Variants in EPHA5 observed in about 807,000 individuals in gnomAD.
EPHA5 encodes EPH receptor A5.
EPHA5 carries 60 observed loss-of-function variants against 105.0 expected under a neutral mutation model. That is an observed-to-expected ratio of 0.57 (90% confidence interval 0.46 to 0.71). EPHA5 has a LOEUF of 0.71. Ranked by LOEUF, EPHA5 falls within the 30% of genes least tolerant of loss-of-function variation. The probability of loss-of-function intolerance (pLI) is 0.00; values close to 1 mark genes in which losing one functional copy is unlikely to be tolerated. For synonymous variants in EPHA5, 513 were observed against 449.1 expected, an observed-to-expected ratio of 1.14 and a Z score of -1.80; for missense variants, 1,218 against 1,274.7, an observed-to-expected ratio of 0.96 and a Z score of 0.68.
intron 5 of EPHA5, among the ~76,000 whole-genome samples, chr4:65,432,718 G>A (rs1031870556): frequency 6.6e-6 from 1 of 151,922 alleles, no homozygotes; most frequent in African/African-American, 2.4e-5. Context: ...TAGGTGGGCA[G>A]TGCTACACCC....
intron 3 of EPHA5, among the ~76,000 whole-genome samples, chr4:65,585,202 T>C (rs533233401): frequency 9.2e-5 from 14 of 151,776 alleles, no homozygotes; most frequent in Non-Finnish European, 1.9e-4. Flanking sequence ...GTGTGTGATA[T>C]ATAGAATTTG....
At chr4:65,552,370 G>A (rs954501963) in intron 3 of EPHA5, among the ~76,000 whole-genome samples, 7 of 152,256 alleles carry the variant, frequency 4.6e-5, no homozygotes, top group African/African-American at 1.2e-4. Flanking sequence ...CTTAGTTACG[G>A]GCTTTAAATG....
At chr4:65,357,594 T>A (rs779615334) in intron 11 of EPHA5, among the ~76,000 whole-genome samples, 11 of 151,418 alleles carry the variant, frequency 7.3e-5, no homozygotes, top group Non-Finnish European at 1.5e-4. Flanking sequence ...AATCTTGGAT[T>A]ACATGCATAA....
chr4:65,510,102 T>TC (rs1733460223), intron 3 of EPHA5, among the ~76,000 whole-genome samples: 1 of 148,334 alleles, frequency 6.7e-6, no homozygotes, highest in South Asian at 2.2e-4. Flanking sequence ...TGGCGAGATC[T>TC]CCCCCCACTG....
intron 3 of EPHA5, among the ~76,000 whole-genome samples, chr4:65,552,788 G>A (rs1738047408): frequency 1.3e-5 from 2 of 152,002 alleles, no homozygotes; most frequent in Non-Finnish European, 2.9e-5. Context: ...GTGTTAAATT[G>A]TAAAGCACAA....
At chr4:65,605,067 G>A (rs2149446749) in intron 2 of EPHA5, among the ~76,000 whole-genome samples, 1 of 152,262 alleles carries the variant, frequency 6.6e-6, no homozygotes, top group African/African-American at 2.4e-5. Flanking sequence ...ATGCTTTCCT[G>A]TACGTTTATT....
chr4:65,435,937 A>T (rs1252155313), intron 5 of EPHA5, among the ~76,000 whole-genome samples: 3 of 151,982 alleles, frequency 2.0e-5, no homozygotes, highest in African/African-American at 7.2e-5. Flanking sequence ...TTTAAATATG[A>T]TTTTTTTCTT....
Position 65,320,042 on chromosome 4 carries a change from G to T in EPHA5, c.*4072C>A. The T allele has an allele frequency of 4.3e-6, 1 of 230,174 alleles. No individual in the cohort carries two copies. The highest frequency in any genetic ancestry group is 8.6e-6 in the Non-Finnish European group (1 of 116,088). 14.3% of individuals were successfully genotyped at this position (230,174 alleles called of 1,614,324 possible). On this transcript the variant is annotated 3_prime_UTR_variant, in exon 17 of 17. Transcript: ENST00000613740. ...CATTTGATTCTGATTATTATAAACAGACTTTTTTTCTTTTAAAAGAATTGG... is the reference window on the plus strand; with the variant it reads ...CATTTGATTCTGATTATTATAAACATACTTTTTTTCTTTTAAAAGAATTGG...
intron 3 of EPHA5, among the ~76,000 whole-genome samples, chr4:65,577,419 G>T (rs761995366): frequency 3.4e-4 from 51 of 151,998 alleles, no homozygotes; most frequent in Non-Finnish European, 6.6e-4. Context: ...ATTTTAATGA[G>T]ATTTTTAAAA....
rs548241727 is a variant in EPHA5 at position 65,631,445 on chromosome 4, A to G, written c.246+11918T>C. On this transcript the variant is annotated intron_variant, in intron 2 of 16. Coordinates refer to ENST00000613740, the MANE Select transcript of EPHA5 (RefSeq NM_001281766.3). ...TTAAGTTTTAACTAAAATATAGTTC[A>G]AACATACCAAAGAGAATGATCAAAA... Among the ~76,000 whole-genome samples, 8 of 152,300 alleles carry G rather than the reference A, an allele frequency of 5.3e-5. No homozygotes were observed. The East Asian group carries it at 1.5e-3, about 29-fold the overall frequency.
chr4:65,383,457 A>AT (rs765683982), intron 8 of EPHA5, among the ~76,000 whole-genome samples: 3 of 151,796 alleles, frequency 2.0e-5, no homozygotes, highest in East Asian at 1.9e-4. Flanking sequence ...TGCTACCACC[A>AT]TTATCACTTT....
chr4:65,659,319 G>GAAAAAAAAAAAA lies in EPHA5; in HGVS notation c.181+10231_181+10242dup, dbSNP rs5858980. On this transcript the variant is annotated intron_variant, in intron 1 of 16. Transcript: ENST00000613740. ...GGATTGTTTATATACTAGAGTAACA[G>GAAAAAAAAAAAA]AAAAAAAAAAAAAAAAAAAAAAAAA... Among the ~76,000 whole-genome samples, 2 of 71,602 alleles carry GAAAAAAAAAAAA rather than the reference G, an allele frequency of 2.8e-5. 1 individual carries two copies. The highest frequency in any genetic ancestry group is 1.1e-4 in the African/African-American group (2 of 18,864). 47.0% of individuals were successfully genotyped at this position (71,602 alleles called of 152,430 possible). A position where few individuals can be genotyped will look rare whatever the true frequency, so the allele number is the denominator to read the frequency against.
At chr4:65,465,531 A>AAAGAAAG (rs1560567523) in intron 5 of EPHA5, among the ~76,000 whole-genome samples, 4 of 78,246 alleles carry the variant, frequency 5.1e-5, no homozygotes, top group South Asian at 4.9e-4. Flanking sequence ...AAGAAAGAAA[A>AAAGAAAG]GAAAGGAAAG....
chr4:65,437,125 C>T (rs1484752438), intron 5 of EPHA5, among the ~76,000 whole-genome samples: 1 of 151,992 alleles, frequency 6.6e-6, no homozygotes, highest in African/African-American at 2.4e-5. Flanking sequence ...AGTGTTAACA[C>T]TATGATAAGT....
At chr4:65,468,417 A>G (rs1578185082) in intron 5 of EPHA5, among the ~76,000 whole-genome samples, 1 of 150,140 alleles carries the variant, frequency 6.7e-6, no homozygotes, top group East Asian at 1.9e-4. Context: ...ATTGATGAGA[A>G]ATATAAAATA....
chr4:65,586,154 T>G (rs547647284), intron 3 of EPHA5, among the ~76,000 whole-genome samples: 24 of 151,846 alleles, frequency 1.6e-4, no homozygotes, highest in African/African-American at 5.8e-4. Flanking sequence ...AAGTATTAAC[T>G]TGATATCAAA....
intron 5 of EPHA5, among the ~76,000 whole-genome samples, chr4:65,478,762 G>C (rs938406174): frequency 5.9e-5 from 9 of 152,046 alleles, no homozygotes; most frequent in Non-Finnish European, 1.2e-4. Flanking sequence ...GTGAGCCAAG[G>C]GACCCGGCTT....
intron 13 of EPHA5, among the ~76,000 whole-genome samples, chr4:65,350,630 A>G (rs528522117): frequency 5.2e-4 from 79 of 152,274 alleles, no homozygotes; most frequent in Admixed American, 4.6e-4. Context: ...CTCAAAAAGT[A>G]TGACATTACA....
intron 3 of EPHA5, among the ~76,000 whole-genome samples, chr4:65,549,295 T>C (rs949911106): frequency 1.3e-5 from 2 of 152,054 alleles, no homozygotes; most frequent in Admixed American, 6.6e-5. Context: ...TTCAAACAAA[T>C]CTGCGAAAAT....
Sources: allele counts gnomAD v4.1 joint callset (sites outside exome capture counted in the v4.1 genomes callset), GRCh38; gene constraint gnomAD v4.1.1; transcripts MANE v1.5; gene names NCBI Gene and HGNC (gene_info 2026-07-23, HGNC 2026-07-21).